Variants in CNTLN observed in about 807,000 individuals in gnomAD.
CNTLN encodes the protein centlein, also known as centlein, centrosomal protein.
In CNTLN, 212 loss-of-function variants were observed where a neutral mutation model predicts 180.0. The ratio of observed to expected loss-of-function variants is 1.18; its 90% confidence interval spans 1.05 to 1.32. The LOEUF is 1.32. Among genes scored for constraint, CNTLN ranks in the 40% most tolerant of loss-of-function variants. CNTLN has a pLI of 0.00. For missense variants in CNTLN, 2,095 were observed against 1,610.9 expected, an observed-to-expected ratio of 1.30 and a Z score of -5.14; for synonymous variants, 722 against 563.1, an observed-to-expected ratio of 1.28 and a Z score of -3.99.
rs111777639 is a variant in CNTLN, at chr9:17,405,590, T to C, written c.2616-3703T>C. On this transcript the variant is annotated intron_variant, in intron 15 of 25. Transcript: ENST00000380647. ...GAGGACTCATGATCTAATCACCTCT[T>C]ATTAGATTCCACCTCCCAACACTGT... Among the ~76,000 whole-genome samples the C allele has an allele frequency of 4.1e-4, 62 of 151,704 alleles. 1 individual carries two copies. The highest frequency in any genetic ancestry group is 1.4e-3 in the African/African-American group (57 of 41,124).
chr9:17,346,661 T>G (rs1199609179), intron 12 of CNTLN, among the ~76,000 whole-genome samples: 1 of 152,216 alleles, frequency 6.6e-6, no homozygotes, highest in Non-Finnish European at 1.5e-5. Context: ...TTTCCTTTTC[T>G]TTACTCTTCA....
intron 15 of CNTLN, among the ~76,000 whole-genome samples, chr9:17,403,657 T>C (rs1827153611): frequency 6.6e-6 from 1 of 151,780 alleles, no homozygotes; most frequent in Admixed American, 6.6e-5. Context: ...CCCTATGATA[T>C]TGCAGAAAAC....
At position 17,207,544 on chromosome 9, in the gene CNTLN, C is replaced by T. The variant is rs115646549; in HGVS notation, c.450-18659C>T. Among the ~76,000 whole-genome samples, 613 of 152,258 alleles carry T rather than the reference C, an allele frequency of 4.0e-3. 5 individuals carry two copies. Among genetic ancestry groups the T allele is most frequent in the African/African-American group, 0.014 (574 of 41,554 alleles). Reference sequence around the variant, plus strand: ...CAAAAACCGTGGGAAAATTGTAGTACCTGGGCTGGGTAGCACAGTCCCTTG... The same window carrying T: ...CAAAAACCGTGGGAAAATTGTAGTATCTGGGCTGGGTAGCACAGTCCCTTG... On this transcript the variant is annotated intron_variant, in intron 2 of 25. Coordinates refer to ENST00000380647, the MANE Select transcript of CNTLN (RefSeq NM_017738.4).
intron 2 of CNTLN, among the ~76,000 whole-genome samples, chr9:17,188,017 T>TATATATACACC (rs2131781721): frequency 1.2e-5 from 1 of 85,384 alleles, no homozygotes; most frequent in South Asian, 4.1e-4. Flanking sequence ...ACACCATATA[T>TATATATACACC]ATATATATAT....
At chr9:17,408,963 T>C (rs998284644) in intron 15 of CNTLN, among the ~76,000 whole-genome samples, 2 of 152,184 alleles carry the variant, frequency 1.3e-5, no homozygotes, top group Admixed American at 6.5e-5. Flanking sequence ...TATTAAACTT[T>C]TCTGGCCTTG....
chr9:17,292,140 C>T (rs1046715678), intron 6 of CNTLN, among the ~76,000 whole-genome samples: 4 of 152,158 alleles, frequency 2.6e-5, no homozygotes, highest in African/African-American at 4.8e-5. Context: ...AATCTCTTCT[C>T]GCTTGTAGGG....
intron 2 of CNTLN, among the ~76,000 whole-genome samples, chr9:17,205,471 C>T (rs984723884): frequency 4.6e-5 from 7 of 152,140 alleles, no homozygotes; most frequent in Admixed American, 2.0e-4. Flanking sequence ...GCACCAGAGT[C>T]GGACACCGAA....
At chr9:17,169,632 C>G (rs906570305) in intron 2 of CNTLN, among the ~76,000 whole-genome samples, 1 of 152,032 alleles carries the variant, frequency 6.6e-6, no homozygotes, top group Non-Finnish European at 1.5e-5. Context: ...ATCTAGTTTT[C>G]TCGGTACCAT....
intron 3 of CNTLN, among the ~76,000 whole-genome samples, chr9:17,227,590 T>A (rs1360318544): frequency 2.6e-5 from 4 of 152,076 alleles, no homozygotes; most frequent in Non-Finnish European, 5.9e-5. Context: ...TATTTTCCTT[T>A]CTAACCAATT....
chr9:17,470,656 A>G (rs1349283701), intron 23 of CNTLN, among the ~76,000 whole-genome samples: 1 of 151,950 alleles, frequency 6.6e-6, no homozygotes, highest in Non-Finnish European at 1.5e-5. Flanking sequence ...TGAATAAAAC[A>G]CACAAGGGAA....
At chr9:17,411,464 G>C (rs1587923084) in intron 16 of CNTLN, among the ~76,000 whole-genome samples, 2 of 152,148 alleles carry the variant, frequency 1.3e-5, no homozygotes, top group Non-Finnish European at 2.9e-5. Flanking sequence ...CCTCCTATCA[G>C]GGTGATGCCA....
At chr9:17,264,185 T>G (rs917831287) in intron 5 of CNTLN, among the ~76,000 whole-genome samples, 2 of 144,108 alleles carry the variant, frequency 1.4e-5, no homozygotes, top group Non-Finnish European at 3.0e-5. Flanking sequence ...AGGTCTAACA[T>G]TTAAGTCTTT....
At chr9:17,264,895 C>T (rs554287068) in intron 5 of CNTLN, among the ~76,000 whole-genome samples, 1 of 150,630 alleles carries the variant, frequency 6.6e-6, no homozygotes, top group Non-Finnish European at 1.5e-5. Context: ...GATTTTGTAT[C>T]CTGAGACTTT....
At chr9:17,485,354 G>T (rs1427623970) in intron 24 of CNTLN, among the ~76,000 whole-genome samples, 3 of 151,974 alleles carry the variant, frequency 2.0e-5, no homozygotes, top group Non-Finnish European at 4.4e-5. Context: ...AAAGATTTTT[G>T]AACTACCAAG....
downstream of CNTLN, among the ~76,000 whole-genome samples, chr9:17,504,134 A>C (rs546375220): frequency 6.6e-6 from 1 of 152,182 alleles, no homozygotes; most frequent in African/African-American, 2.4e-5. Context: ...TTTTCATGTC[A>C]AAACAGGAAA....
intron 18 of CNTLN, among the ~76,000 whole-genome samples, chr9:17,421,007 A>G (rs1403968827): frequency 6.6e-6 from 1 of 152,148 alleles, no homozygotes; most frequent in Non-Finnish European, 1.5e-5. Context: ...ACTCATCCAT[A>G]TGCTAAGGAG....
intron 8 of CNTLN, among the ~76,000 whole-genome samples, chr9:17,322,900 A>G (rs943130235): frequency 6.6e-6 from 1 of 152,332 alleles, no homozygotes; most frequent in African/African-American, 2.4e-5. Context: ...AAATAATACA[A>G]CACAAGCTTT....
intron 12 of CNTLN, among the ~76,000 whole-genome samples, chr9:17,353,169 T>C (rs527336433): frequency 1.5e-4 from 23 of 152,118 alleles, no homozygotes; most frequent in Admixed American, 2.6e-4. Context: ...TTGCCTAGGC[T>C]AGTCTTGAAC....
intron 2 of CNTLN, among the ~76,000 whole-genome samples, chr9:17,178,184 G>C (rs1392096116): frequency 6.6e-6 from 1 of 152,032 alleles, no homozygotes; most frequent in Non-Finnish European, 1.5e-5. Context: ...GATACGGAGT[G>C]TCGATTGGTG....
Sources: allele counts gnomAD v4.1 joint callset (sites outside exome capture counted in the v4.1 genomes callset), GRCh38; gene constraint gnomAD v4.1.1; transcripts MANE v1.5; gene names NCBI Gene and HGNC (gene_info 2026-07-23, HGNC 2026-07-21).